Variants in DOCK3 observed in about 807,000 individuals in gnomAD.
The protein encoded by DOCK3 is dedicator of cytokinesis protein 3.
A neutral mutation model predicts 265.6 loss-of-function variants in DOCK3; 60 were observed. That is an observed-to-expected ratio of 0.23 (90% CI 0.18 to 0.28). The LOEUF (loss-of-function observed/expected upper bound fraction) is 0.28. DOCK3 is among the 10% of genes least tolerant of loss of function. The probability of loss-of-function intolerance (pLI) is 1.00; values close to 1 mark genes in which losing one functional copy is unlikely to be tolerated. For missense variants in DOCK3, 1,981 were observed against 2,594.3 expected (o/e 0.76, Z 5.14); for synonymous variants, 881 against 938.0 (o/e 0.94, Z 1.11).
chr3:51,203,951 T>C (rs1252241507), intron 12 of DOCK3, among the ~76,000 whole-genome samples: 1 of 152,182 alleles, frequency 6.6e-6, no homozygotes, highest in Admixed American at 6.5e-5. Flanking sequence ...CTGGGAAAAT[T>C]GGCTAGCAAT....
chr3:51,063,716 A>C (rs1053741394), intron 5 of DOCK3, among the ~76,000 whole-genome samples: 1 of 152,218 alleles, frequency 6.6e-6, no homozygotes. Context: ...ATTTTTAAGT[A>C]CATCTTTTTT....
chr3:50,795,616 G>A (rs2608997), intron 2 of DOCK3, among the ~76,000 whole-genome samples: 14,372 of 152,134 alleles, frequency 0.094, 842 homozygotes, highest in Non-Finnish European at 0.12. Context: ...TCTTGACTTC[G>A]TGATCTGCCT....
chr3:50,937,659 AAAC>A (rs1443211528), intron 5 of DOCK3, among the ~76,000 whole-genome samples: 6 of 152,196 alleles, frequency 3.9e-5, no homozygotes, highest in African/African-American at 1.2e-4. Context: ...CTGTCTCGAA[AAAC>A]AACAACAGCA....
chr3:50,959,805 C>T (rs570774033), intron 5 of DOCK3, among the ~76,000 whole-genome samples: 1 of 152,270 alleles, frequency 6.6e-6, no homozygotes, highest in Admixed American at 6.5e-5. Context: ...TGGTCTCGAT[C>T]TCCTGACCTC....
intron 3 of DOCK3, among the ~76,000 whole-genome samples, chr3:50,859,210 G>GTTTTTT (rs138539454): frequency 4.3e-5 from 3 of 69,260 alleles, no homozygotes; most frequent in African/African-American, 6.3e-5. Context: ...AACTGGTATG[G>GTTTTTT]TTTTTTTTTT....
At chr3:50,837,525 C>T (rs184148335) in intron 2 of DOCK3, among the ~76,000 whole-genome samples, 21 of 152,188 alleles carry the variant, frequency 1.4e-4, no homozygotes, top group Admixed American at 3.3e-4. Context: ...TGGGGGTAAC[C>T]GCCCCCAGAT....
At chr3:51,165,534 G>A (rs2086359442) in intron 12 of DOCK3, among the ~76,000 whole-genome samples, 1 of 152,284 alleles carries the variant, frequency 6.6e-6, no homozygotes, top group Middle Eastern at 3.4e-3. Flanking sequence ...TAAATCTCCA[G>A]AAGTTATTTA....
At chr3:51,174,348 A>G (rs1325248080) in intron 12 of DOCK3, among the ~76,000 whole-genome samples, 1 of 152,182 alleles carries the variant, frequency 6.6e-6, no homozygotes, top group East Asian at 1.9e-4. Context: ...TTGTGCCTAT[A>G]ATCCCAGCTA....
At chr3:51,313,200 G>A (rs2083189349) in intron 31 of DOCK3, among the ~76,000 whole-genome samples, 1 of 152,126 alleles carries the variant, frequency 6.6e-6, no homozygotes, top group African/African-American at 2.4e-5. Context: ...TCCAATTTGA[G>A]AACCCATTCC....
At chr3:50,925,667 G>C (rs1225893012) in intron 4 of DOCK3, among the ~76,000 whole-genome samples, 1 of 152,146 alleles carries the variant, frequency 6.6e-6, no homozygotes, top group East Asian at 1.9e-4. Context: ...GGTTTTATTA[G>C]AGAAATGTTA....
chr3:50,806,968 G>T (rs1269850220), intron 2 of DOCK3, among the ~76,000 whole-genome samples: 1 of 152,066 alleles, frequency 6.6e-6, no homozygotes, highest in Non-Finnish European at 1.5e-5. Flanking sequence ...GGATGGTGGG[G>T]ATCTTCTGCT....
At chr3:50,766,630 A>G (rs923889933) in intron 1 of DOCK3, among the ~76,000 whole-genome samples, 3 of 152,190 alleles carry the variant, frequency 2.0e-5, no homozygotes, top group African/African-American at 7.2e-5. Context: ...TCCTTTGGGC[A>G]TATACCCAGT....
chr3:51,142,945 GGTACA>G, intron 9 of DOCK3, among the ~76,000 whole-genome samples: 2 of 151,838 alleles, frequency 1.3e-5, no homozygotes, highest in Non-Finnish European at 2.9e-5. Context: ...GGAGTGCAAT[GGTACA>G]ATCTCGGCTC....
intron 9 of DOCK3, among the ~76,000 whole-genome samples, chr3:51,099,485 T>C (rs910532258): frequency 1.3e-5 from 2 of 152,226 alleles, no homozygotes; most frequent in Non-Finnish European, 2.9e-5. Context: ...AAATTTGACT[T>C]CTTCTCTGCC....
At chr3:51,339,451 A>T (rs2085091195) in intron 37 of DOCK3, among the ~76,000 whole-genome samples, 1 of 152,234 alleles carries the variant, frequency 6.6e-6, no homozygotes, top group East Asian at 1.9e-4. Context: ...TGGAACTTCC[A>T]GAACTCACTA....
intron 5 of DOCK3, among the ~76,000 whole-genome samples, chr3:51,001,353 T>C (rs1469920048): frequency 6.6e-6 from 1 of 152,170 alleles, no homozygotes; most frequent in Non-Finnish European, 1.5e-5. Context: ...CCAACTCAAA[T>C]GGAAACATTT....
intron 2 of DOCK3, among the ~76,000 whole-genome samples, chr3:50,814,466 ATGT>A (rs1275925259): frequency 3.3e-5 from 5 of 151,518 alleles, no homozygotes; most frequent in African/African-American, 1.2e-4. Context: ...GGGTTTCATC[ATGT>A]TGTCCAGTTT....
intron 32 of DOCK3, among the ~76,000 whole-genome samples, chr3:51,316,674 A>G (rs1187420316): frequency 6.6e-6 from 1 of 152,214 alleles, no homozygotes; most frequent in Non-Finnish European, 1.5e-5. Flanking sequence ...GTAGTTGTAT[A>G]TCATTGTGGT....
chr3:50,697,516 A>G (rs909715397), intron 1 of DOCK3, among the ~76,000 whole-genome samples: 1 of 152,128 alleles, frequency 6.6e-6, no homozygotes, highest in Non-Finnish European at 1.5e-5. Flanking sequence ...ACCTAAGCCC[A>G]GGAGGCGGAG....
Sources: gnomAD v4.1 joint callset for allele counts (sites outside exome capture counted in the v4.1 genomes callset) on GRCh38, gnomAD v4.1.1 for gene constraint, MANE v1.5 for transcripts, NCBI Gene and HGNC (gene_info 2026-07-23, HGNC 2026-07-21) for gene names.